Variants in NCAM2 observed in about 807,000 individuals in gnomAD.
NCAM2 encodes N-CAM-2.
In NCAM2, 30 loss-of-function variants were observed where a neutral mutation model predicts 98.1. The ratio of observed to expected loss-of-function variants is 0.31; its 90% confidence interval spans 0.23 to 0.41. The LOEUF (loss-of-function observed/expected upper bound fraction) is 0.41. Among genes scored for constraint, NCAM2 ranks in the 10% least tolerant of loss-of-function variants. The pLI, the probability that NCAM2 is intolerant of heterozygous loss-of-function variation, is 1.00. For synonymous variants in NCAM2, 368 were observed against 342.4 expected, an observed-to-expected ratio of 1.07 and a Z score of -0.83; for missense variants, 867 against 1,005.8, an observed-to-expected ratio of 0.86 and a Z score of 1.87.
intron 8 of NCAM2, among the ~76,000 whole-genome samples, chr21:21,364,676 A>T (rs1352259037): frequency 6.6e-6 from 1 of 152,036 alleles, no homozygotes; most frequent in Non-Finnish European, 1.5e-5. Flanking sequence ...ACATACATCT[A>T]TATATGTATA....
At chr21:21,092,596 A>G (rs2066035616) in intron 1 of NCAM2, among the ~76,000 whole-genome samples, 1 of 151,992 alleles carries the variant, frequency 6.6e-6, no homozygotes, top group African/African-American at 2.4e-5. Context: ...TACTAATATT[A>G]TGTCAACTGA....
At chr21:21,149,781 A>G (rs182468178) in intron 1 of NCAM2, among the ~76,000 whole-genome samples, 16 of 152,238 alleles carry the variant, frequency 1.1e-4, no homozygotes, top group African/African-American at 3.9e-4. Context: ...TACATGGTGT[A>G]TATGTGCCAC....
intron 5 of NCAM2, among the ~76,000 whole-genome samples, chr21:21,322,568 A>C (rs2074403636): frequency 6.6e-6 from 1 of 152,178 alleles, no homozygotes. Flanking sequence ...TATATTTAAA[A>C]CAGAATTGGA....
chr21:21,020,793 A>T (rs1369661126), intron 1 of NCAM2, among the ~76,000 whole-genome samples: 1 of 152,178 alleles, frequency 6.6e-6, no homozygotes, highest in Non-Finnish European at 1.5e-5. Context: ...CTTTTTAAAT[A>T]TCTTCCACAT....
intron 10 of NCAM2, among the ~76,000 whole-genome samples, chr21:21,415,056 T>C (rs748770580): frequency 6.6e-6 from 1 of 151,956 alleles, no homozygotes; most frequent in Non-Finnish European, 1.5e-5. Context: ...TTCCCATGGA[T>C]AGAACACAGG....
chr21:21,486,168 G>T (rs1251917724), intron 15 of NCAM2, among the ~76,000 whole-genome samples: 1 of 152,010 alleles, frequency 6.6e-6, no homozygotes, highest in African/African-American at 2.4e-5. Flanking sequence ...GCCGGGCGTG[G>T]TGGCGGGCGC....
chr21:21,271,999 A>G (rs2072520051), intron 1 of NCAM2, among the ~76,000 whole-genome samples: 1 of 152,196 alleles, frequency 6.6e-6, no homozygotes, highest in Non-Finnish European at 1.5e-5. Context: ...CATATGTAAC[A>G]AACCTGCATG....
At chr21:21,244,565 C>T (rs932821996) in intron 1 of NCAM2, among the ~76,000 whole-genome samples, 9 of 151,936 alleles carry the variant, frequency 5.9e-5, no homozygotes, top group African/African-American at 2.2e-4. Context: ...AGTTAAAAAA[C>T]AGGCCGAGTG....
At chr21:21,139,074 C>A (rs1451086046) in intron 1 of NCAM2, among the ~76,000 whole-genome samples, 1 of 152,160 alleles carries the variant, frequency 6.6e-6, no homozygotes, top group Non-Finnish European at 1.5e-5. Context: ...AATTTAACAT[C>A]TTGATATGTA....
chr21:21,379,781 A>G (rs887458862), intron 9 of NCAM2, among the ~76,000 whole-genome samples: 2 of 152,048 alleles, frequency 1.3e-5, no homozygotes, highest in Non-Finnish European at 2.9e-5. Flanking sequence ...TGCACTCATC[A>G]GGATTCCTTA....
intron 16 of NCAM2, among the ~76,000 whole-genome samples, chr21:21,526,212 G>A (rs528587863): frequency 1.4e-4 from 21 of 152,008 alleles, no homozygotes; most frequent in Non-Finnish European, 2.2e-4. Context: ...CAGATGACAT[G>A]ATAGTCTATG....
chr21:21,399,853 C>T (rs995256125), intron 9 of NCAM2, among the ~76,000 whole-genome samples: 1 of 152,084 alleles, frequency 6.6e-6, no homozygotes, highest in Non-Finnish European at 1.5e-5. Flanking sequence ...CACAAATAAA[C>T]TAGGCTCAGA....
intron 12 of NCAM2, among the ~76,000 whole-genome samples, chr21:21,441,855 AG>A (rs1305225601): frequency 6.6e-6 from 1 of 152,180 alleles, no homozygotes; most frequent in Non-Finnish European, 1.5e-5. Context: ...AGAAAAAATC[AG>A]ATGGCGTAAG....
At chr21:21,009,940 C>G (rs2064178777) in intron 1 of NCAM2, among the ~76,000 whole-genome samples, 2 of 117,922 alleles carry the variant, frequency 1.7e-5, no homozygotes, top group African/African-American at 6.1e-5. Flanking sequence ...TTGTGGTGTT[C>G]TCTAGGTCCA....
intron 1 of NCAM2, among the ~76,000 whole-genome samples, chr21:21,062,695 T>C (rs1389912192): frequency 6.6e-6 from 1 of 152,202 alleles, no homozygotes; most frequent in Non-Finnish European, 1.5e-5. Flanking sequence ...AGGTCAGTTT[T>C]TTTGAAAGAC....
At chr21:21,124,359 AC>A (rs2066742565) in intron 1 of NCAM2, among the ~76,000 whole-genome samples, 2 of 152,188 alleles carry the variant, frequency 1.3e-5, no homozygotes, top group Non-Finnish European at 1.5e-5. Context: ...TGCAATGATC[AC>A]ACAACTTGAG....
At chr21:21,480,490 C>G (rs946168749) in intron 15 of NCAM2, among the ~76,000 whole-genome samples, 1 of 151,660 alleles carries the variant, frequency 6.6e-6, no homozygotes, top group South Asian at 2.1e-4. Context: ...GAAGGTATCT[C>G]TGGGACAAGA....
At chr21:21,133,133 AATTT>A (rs1328864690) in intron 1 of NCAM2, among the ~76,000 whole-genome samples, 3 of 152,182 alleles carry the variant, frequency 2.0e-5, no homozygotes, top group Non-Finnish European at 4.4e-5. Context: ...CCATTGCTTT[AATTT>A]ATTATGCAAT....
chr21:21,485,026 TTAAGTA>T (rs1201751361), intron 15 of NCAM2, among the ~76,000 whole-genome samples: 6 of 148,652 alleles, frequency 4.0e-5, no homozygotes, highest in South Asian at 4.2e-4. Flanking sequence ...ACTGTTACTT[TTAAGTA>T]TAAGTTTCCA....
Sources: allele counts gnomAD v4.1 joint callset (sites outside exome capture counted in the v4.1 genomes callset), GRCh38; gene constraint gnomAD v4.1.1; transcripts MANE v1.5; gene names NCBI Gene and HGNC (gene_info 2026-07-23, HGNC 2026-07-21).